Variants in ANKRD39 observed in about 807,000 individuals in gnomAD.
ANKRD39 encodes ankyrin repeat domain-containing protein 39.
In ANKRD39, 18 loss-of-function variants were observed where a neutral mutation model predicts 20.3. That is an observed-to-expected ratio of 0.89 (90% confidence interval 0.61 to 1.32). ANKRD39 has a LOEUF of 1.32. ANKRD39 is among the 40% of genes most tolerant of loss of function. The pLI, the probability that ANKRD39 is intolerant of heterozygous loss-of-function variation, is 0.00. For synonymous variants in ANKRD39, 106 were observed against 111.9 expected, an observed-to-expected ratio of 0.95 and a Z score of 0.33; for missense variants, 243 against 250.7, an observed-to-expected ratio of 0.97 and a Z score of 0.21.
At position 96,854,342 on chromosome 2, in the gene ANKRD39, G is replaced by C. The variant is rs377379910; in HGVS notation, c.200C>G (p.Ala67Gly). ...CTGTGCTCCTCCCTAGCTCACCAGCGCAGTGTAGCCGGCCGAGTCGGGCTG... is the reference window on the plus strand; with the variant it reads ...CTGTGCTCCTCCCTAGCTCACCAGCCCAGTGTAGCCGGCCGAGTCGGGCTG... ...PSQPDSAGYT[A>G]LHYASRNGHY... Residue 67 changes from alanine (A) to glycine (G), a missense_variant, in exon 2 of 4, where the codon GCG (alanine) becomes GGG (glycine). Physicochemically the swap from Ala to Gly is moderately conservative, Grantham distance 60 (BLOSUM62 0). Coordinates refer to ENST00000393537, the MANE Select transcript of ANKRD39 (RefSeq NM_016466.6). The C allele has an allele frequency of 6.2e-7, 1 of 1,613,984 alleles. No individual in the cohort carries two copies. The highest frequency in any genetic ancestry group is 1.1e-5 in the South Asian group (1 of 91,060).
intron 3 of ANKRD39, 21 bp from the exon 4 acceptor site, chr2:96,848,465 A>T: frequency 6.2e-7 from 1 of 1,613,070 alleles, no homozygotes; most frequent in South Asian, 1.1e-5. Flanking sequence ...AAAGGCTGGA[A>T]TCAAAGGGCA....
rs752991785 is a variant in ANKRD39, at chr2:96,857,955, G to C, written c.33C>G (p.Pro11=). The part of the protein sequence containing the change: MATPRPCADG[P]CCSHPSAVLG... ...GCACCGCGCTGGGATGCGAGCAGCAGGGCCCGTCCGCGCAGGGCCGAGGCG... is the reference window on the plus strand; with the variant it reads ...GCACCGCGCTGGGATGCGAGCAGCACGGCCCGTCCGCGCAGGGCCGAGGCG... Residue 11 remains proline (P), a synonymous_variant, in exon 1 of 4, where the codon CCC becomes CCG. Transcript: ENST00000393537. The C allele has an allele frequency of 7.6e-6, 12 of 1,570,080 alleles. No individual in the cohort carries two copies. The highest frequency in any genetic ancestry group is 1.0e-5 in the Non-Finnish European group (12 of 1,165,372).
intron 1 of ANKRD39, among the ~76,000 whole-genome samples, chr2:96,856,641 T>C (rs2079867163): frequency 6.6e-6 from 1 of 152,152 alleles, no homozygotes; most frequent in Non-Finnish European, 1.5e-5. Context: ...CATCTCTACC[T>C]ACTACACGCC....
rs1377101150 is a variant in ANKRD39 at position 96,854,409 on chromosome 2, C to G, written c.133G>C (p.Gly45Arg). The G allele has an allele frequency of 6.2e-6, 10 of 1,614,032 alleles. No homozygotes were observed. Among genetic ancestry groups the G allele is most frequent in the Non-Finnish European group, 8.5e-6 (10 of 1,180,038 alleles). The change falls in exon 2 of 4, where the codon GGC becomes CGC. Residue 45 changes from glycine (G) to arginine (R), a missense_variant. Physicochemically the swap from Gly to Arg is moderately radical, Grantham distance 125 (BLOSUM62 -2). Transcript: ENST00000393537. ...TTCTGGATTAAATGCTTCACTCGGC[C>G]CAGGTCTCCATTCAGGGCTGCCGAC... ...IWSAALNGDL[G>R]RVKHLIQKAE... is the part of the protein sequence containing the mutation.
intron 1 of ANKRD39, among the ~76,000 whole-genome samples, chr2:96,856,436 G>A (rs377049135): frequency 1.6e-4 from 23 of 143,076 alleles, no homozygotes; most frequent in African/African-American, 6.1e-4. Context: ...GCTACTGCAC[G>A]CCAGCCTGGA....
At position 96,848,268 on chromosome 2, in the gene ANKRD39, C is replaced by A; in HGVS notation, c.*33G>T. 6.2e-7 allele frequency: 1 copy of A among 1,612,228 alleles called. No homozygotes were observed. The highest frequency in any genetic ancestry group is 8.5e-7 in the Non-Finnish European group (1 of 1,179,282). On this transcript the variant is annotated 3_prime_UTR_variant, in exon 4 of 4. Coordinates refer to ENST00000393537, the MANE Select transcript of ANKRD39 (RefSeq NM_016466.6). ...GGGGCTTGGAGAACTGGTCTGTGTA[C>A]CCTTTAAAGGCAGCTGGAGATAGGG...
At chr2:96,856,609 G>T (rs2079867004) in intron 1 of ANKRD39, among the ~76,000 whole-genome samples, 1 of 152,050 alleles carries the variant, frequency 6.6e-6, no homozygotes, top group Admixed American at 6.6e-5. Context: ...CCTGTGCATT[G>T]TACCATGTAT....
chr2:96,853,331 T>C (rs958335537), intron 3 of ANKRD39, 70 bp downstream of exon 3: 7 of 1,494,662 alleles, frequency 4.7e-6, no homozygotes, highest in Non-Finnish European at 5.5e-6. Context: ...TTTCCCCATG[T>C]TTTCTACATG....
At chr2:96,848,581 C>G in intron 3 of ANKRD39, 137 bp from the exon 4 acceptor site, 5 of 1,130,300 alleles carry the variant, frequency 4.4e-6, no homozygotes, top group Non-Finnish European at 6.2e-6. Flanking sequence ...AATCTCAGCA[C>G]TTTGGGAGGC....
chr2:96,855,354 G>A lies in ANKRD39; in HGVS notation c.101-913C>T, dbSNP rs574347435. The stretch of plus-strand genomic sequence containing the variant: ...GAAACAAAACAACAACAATAGATGG[G>A]TCAAAGAGTACTGCAGACCTAGTCA... On this transcript the variant is annotated intron_variant, in intron 1 of 3. Transcript: ENST00000393537. Among the ~76,000 whole-genome samples, 53 of 152,318 alleles carry A rather than the reference G, an allele frequency of 3.5e-4. No individual in the cohort carries two copies. The South Asian group carries it at 0.011, about 32-fold the overall frequency.
intron 1 of ANKRD39, 110 bp downstream of exon 1, chr2:96,857,778 C>A: frequency 2.6e-6 from 3 of 1,175,544 alleles, no homozygotes; most frequent in Non-Finnish European, 3.6e-6. Context: ...AGGCCCCAAG[C>A]CCCAAGCCCC....
At chr2:96,855,088 A>AGGGGAGTTC (rs768701274) in intron 1 of ANKRD39, among the ~76,000 whole-genome samples, 1 of 152,232 alleles carries the variant, frequency 6.6e-6, no homozygotes, top group Admixed American at 6.5e-5. Flanking sequence ...AGGTGAGATG[A>AGGGGAGTTC]GGGGAGTTCG....
intron 3 of ANKRD39, among the ~76,000 whole-genome samples, chr2:96,851,984 G>C (rs1417226327): frequency 6.6e-6 from 1 of 152,102 alleles, no homozygotes; most frequent in African/African-American, 2.4e-5. Context: ...CGAGACGATA[G>C]TGAGAGACCC....
At chr2:96,852,764 G>A (rs908412821) in intron 3 of ANKRD39, among the ~76,000 whole-genome samples, 4 of 152,104 alleles carry the variant, frequency 2.6e-5, no homozygotes, top group African/African-American at 7.2e-5. Flanking sequence ...CCTCTCAAAG[G>A]TGCCTGCAAA....
chr2:96,853,094 T>C (rs1232270654), intron 3 of ANKRD39, among the ~76,000 whole-genome samples: 1 of 152,152 alleles, frequency 6.6e-6, no homozygotes, highest in East Asian at 1.9e-4. Flanking sequence ...GGCTAACATA[T>C]AGCAAGTGGA....
intron 1 of ANKRD39, among the ~76,000 whole-genome samples, chr2:96,855,361 A>C (rs2079857364): frequency 1.3e-5 from 2 of 152,252 alleles, no homozygotes; most frequent in Admixed American, 1.3e-4. Flanking sequence ...TGGGTCAAAG[A>C]GTACTGCAGA....
In ANKRD39 at chr2:96,853,502, G is replaced by A. The variant is rs149922411; in HGVS notation, c.307C>T (p.Arg103Ter). ...QTHGGATALH[R>*]ASYCGHTEIA... ...TCAGTGTGCCCGCAGTAGCTGGCTC[G>A]GTGCAGAGCAGTGGCACCCCCGTGG... is the stretch of plus-strand genomic sequence containing the variant. Residue 103 changes from arginine (R) to a stop codon, truncating the protein, a stop_gained, in exon 3 of 4, where the codon CGA becomes TGA. Transcript: ENST00000393537. LOFTEE classifies it high-confidence loss of function. 1.5e-5 allele frequency: 24 copies of A among 1,612,980 alleles called. No homozygotes were observed. The African/African-American group carries it at 1.6e-4, about 11-fold the overall frequency.
At position 96,857,904 on chromosome 2, in the gene ANKRD39, C is replaced by T; in HGVS notation, c.84G>A (p.Glu28=). The change falls in exon 1 of 4, where the codon GAG becomes GAA. Residue 28 remains glutamate, a synonymous_variant. Coordinates refer to ENST00000393537, the MANE Select transcript of ANKRD39 (RefSeq NM_016466.6). ...CAGCCTCACCCCTCTCGAAGTCCAT[C>T]TCCTCCAGCGTCTGCTGTACGCCGA... ...AVLGVQQTLE[E]MDFERGIWSA... 1.3e-6 allele frequency: 2 copies of T among 1,583,958 alleles called. No individual in the cohort carries two copies. Among genetic ancestry groups the T allele is most frequent in the Non-Finnish European group, 1.7e-6 (2 of 1,171,576 alleles).
intron 3 of ANKRD39, 37 bp from the exon 4 acceptor site, chr2:96,848,481 C>A: frequency 6.2e-7 from 1 of 1,610,956 alleles, no homozygotes; most frequent in South Asian, 1.1e-5. Context: ...GGGCATACCC[C>A]CCCACTGGGC....
Sources: gnomAD v4.1 joint callset for allele counts (sites outside exome capture counted in the v4.1 genomes callset) on GRCh38, gnomAD v4.1.1 for gene constraint, MANE v1.5 for transcripts, NCBI Gene and HGNC (gene_info 2026-07-23, HGNC 2026-07-21) for gene names.